Variants in ACBD6 observed in about 807,000 individuals in gnomAD.
The protein encoded by ACBD6 is acyl-CoA-binding domain-containing protein 6.
Under a neutral mutation model 37.2 loss-of-function variants are expected in ACBD6, and 28 were observed. The ratio of observed to expected loss-of-function variants is 0.75; its 90% CI spans 0.56 to 1.03. The LOEUF (loss-of-function observed/expected upper bound fraction) is 1.03, where lower values mean the gene tolerates loss of function less well. ACBD6 is among the 50% of genes least tolerant of loss of function. The pLI is 0.00. For synonymous variants in ACBD6, 113 were observed against 126.8 expected (o/e 0.89, Z 0.73); for missense variants, 340 against 337.4 (o/e 1.01, Z -0.06).
At chr1:180,437,118 T>G (rs1389713807) in intron 3 of ACBD6, among the ~76,000 whole-genome samples, 1 of 152,242 alleles carries the variant, frequency 6.6e-6, no homozygotes, top group Non-Finnish European at 1.5e-5. Context: ...TCAAATACTT[T>G]GCAGTTTGGC....
At chr1:180,271,144 G>A (rs1012990645) in exon 14 of ACBD6, 2 of 588,424 alleles carry the variant, frequency 3.4e-6, no homozygotes, top group Non-Finnish European at 6.2e-6. Flanking sequence ...TTGAGGCAGG[G>A]AGCTGAGCAG....
intron 2 of ACBD6, among the ~76,000 whole-genome samples, chr1:180,493,122 G>A (rs1012233066): frequency 6.6e-6 from 1 of 151,462 alleles, no homozygotes; most frequent in African/African-American, 2.4e-5. Flanking sequence ...GGTGGTGTGC[G>A]CCTGTAGTCC....
chr1:180,434,316 C>A (rs1648934063), intron 3 of ACBD6, among the ~76,000 whole-genome samples: 1 of 152,168 alleles, frequency 6.6e-6, no homozygotes, highest in African/African-American at 2.4e-5. Context: ...TGGAAGAAAT[C>A]AAAATATCTT....
At chr1:180,437,544 C>T (rs1649094762) in intron 3 of ACBD6, among the ~76,000 whole-genome samples, 1 of 152,078 alleles carries the variant, frequency 6.6e-6, no homozygotes, top group African/African-American at 2.4e-5. Flanking sequence ...CCTAAAATGG[C>T]ATCCAAATTG....
At chr1:180,398,735 A>C (rs993042045) in intron 5 of ACBD6, among the ~76,000 whole-genome samples, 1 of 152,214 alleles carries the variant, frequency 6.6e-6, no homozygotes, top group African/African-American at 2.4e-5. Flanking sequence ...ACAAAACCCC[A>C]AAAGCTAAGG....
At chr1:180,376,862 C>T (rs1253033954) in intron 6 of ACBD6, among the ~76,000 whole-genome samples, 1 of 152,070 alleles carries the variant, frequency 6.6e-6, no homozygotes, top group African/African-American at 2.4e-5. Flanking sequence ...TTAAAGCCAA[C>T]CATGTATTTG....
intron 7 of ACBD6, among the ~76,000 whole-genome samples, chr1:180,292,067 G>T (rs1649729028): frequency 6.6e-6 from 1 of 152,076 alleles, no homozygotes; most frequent in South Asian, 2.1e-4. Flanking sequence ...ATACAACATT[G>T]GCTTGATTTC....
intron 4 of ACBD6, among the ~76,000 whole-genome samples, chr1:180,422,216 T>C (rs1051682261): frequency 6.6e-5 from 10 of 152,038 alleles, no homozygotes; most frequent in African/African-American, 2.2e-4. Flanking sequence ...TTTTTCTTTT[T>C]TTTTTTTGAG....
At chr1:180,385,761 T>C (rs1653824942) in intron 6 of ACBD6, among the ~76,000 whole-genome samples, 2 of 152,170 alleles carry the variant, frequency 1.3e-5, no homozygotes. Context: ...CCTTTATCTT[T>C]GATTTAGAAC....
intron 3 of ACBD6, chr1:180,435,188 C>T (rs539249223): frequency 8.2e-5 from 56 of 686,528 alleles, no homozygotes; most frequent in Non-Finnish European, 1.4e-4. Context: ...ATTTCAACAT[C>T]GCTGGCCTTT....
chr1:180,463,465 T>G (rs916510683), intron 3 of ACBD6, among the ~76,000 whole-genome samples: 12 of 151,972 alleles, frequency 7.9e-5, no homozygotes, highest in African/African-American at 2.7e-4. Context: ...AAGAAATGGA[T>G]AAATTCCTGA....
chr1:180,446,816 G>A (rs570790854), intron 3 of ACBD6, among the ~76,000 whole-genome samples: 23 of 152,228 alleles, frequency 1.5e-4, no homozygotes, highest in East Asian at 3.9e-4. Context: ...AGAGGCAGGC[G>A]GATTACCCGA....
intron 3 of ACBD6, among the ~76,000 whole-genome samples, chr1:180,458,888 T>C (rs1322864766): frequency 6.6e-6 from 1 of 152,164 alleles, no homozygotes; most frequent in Non-Finnish European, 1.5e-5. Flanking sequence ...AACTTCATTA[T>C]TTAAAAAAAG....
chr1:180,385,056 C>T (rs1288380411), intron 6 of ACBD6, among the ~76,000 whole-genome samples: 2 of 151,980 alleles, frequency 1.3e-5, no homozygotes, highest in African/African-American at 2.4e-5. Flanking sequence ...TATAAACATA[C>T]AGTTAGATAG....
At chr1:180,310,550 C>T (rs1315363833) in intron 7 of ACBD6, among the ~76,000 whole-genome samples, 1 of 152,038 alleles carries the variant, frequency 6.6e-6, no homozygotes, top group African/African-American at 2.4e-5. Context: ...ACAAATATTA[C>T]AAGCATGGCA....
intron 5 of ACBD6, among the ~76,000 whole-genome samples, chr1:180,407,067 T>C (rs1647655741): frequency 6.7e-6 from 1 of 149,126 alleles, no homozygotes; most frequent in South Asian, 2.1e-4. Flanking sequence ...ATGTTAAGTT[T>C]GATTTTGATT....
chr1:180,305,139 A>G (rs1353529704), intron 7 of ACBD6, among the ~76,000 whole-genome samples: 1 of 152,234 alleles, frequency 6.6e-6, no homozygotes, highest in Non-Finnish European at 1.5e-5. Context: ...CTAAAACCAT[A>G]AAAACCCTAG....
rs189142924 is a variant in ACBD6, at chr1:180,381,939, C to T, written c.663+15577G>A. 8.8e-3 allele frequency among the ~76,000 whole-genome samples: 1,338 copies of T among 151,990 alleles called. 7 individuals carry two copies. The highest frequency in any genetic ancestry group is 0.016 in the Admixed American group (244 of 15,282). On this transcript the variant is annotated intron_variant, in intron 6 of 7. Transcript: ENST00000367595. The stretch of plus-strand genomic sequence containing the variant: ...CCTGGCCAACATGGTGAAACCCCAT[C>T]TCTACTAAAAAATACAAAAATTAGC...
chr1:180,440,397 C>T (rs1036534337), intron 3 of ACBD6, among the ~76,000 whole-genome samples: 7 of 152,198 alleles, frequency 4.6e-5, no homozygotes, highest in Admixed American at 1.3e-4. Context: ...GCATGAGCCA[C>T]CAGATCCAGC....
Sources: gnomAD v4.1 joint callset for allele counts (sites outside exome capture counted in the v4.1 genomes callset) on GRCh38, gnomAD v4.1.1 for gene constraint, MANE v1.5 for transcripts, NCBI Gene and HGNC (gene_info 2026-07-23, HGNC 2026-07-21) for gene names.